TIMP1: variants seen among roughly 807,000 people sequenced by gnomAD.
TIMP1 encodes the protein TIMP metallopeptidase inhibitor 1.
A neutral mutation model predicts 13.7 loss-of-function variants in TIMP1; 5 were observed. That is an observed-to-expected ratio of 0.36 (90% CI 0.19 to 0.76). TIMP1 has a LOEUF of 0.76. TIMP1 is among the 30% of genes least tolerant of loss of function. The pLI is 0.51. For missense variants in TIMP1, 131 were observed against 168.4 expected (o/e 0.78, Z 1.23); for synonymous variants, 63 against 67.1 (o/e 0.94, Z 0.30).
chrX:47,586,430 C>T (rs748369673), intron 5 of TIMP1, 91 bp from the exon 6 acceptor site: 13 of 1,138,343 alleles, frequency 1.1e-5, no homozygotes, highest in East Asian at 3.0e-5. Context: ...GTCTCCCCAG[C>T]GGCTCAGTGT....
intron 2 of TIMP1, 69 bp from the exon 3 acceptor site, chrX:47,584,867 G>A (rs1249048675): frequency 2.2e-6 from 2 of 921,266 alleles, no homozygotes; most frequent in Non-Finnish European, 3.1e-6. Context: ...TGATGATGAT[G>A]ATGATGATGA....
In TIMP1 at chrX:47,585,209, AT is replaced by A; in HGVS notation, c.207del (p.Tyr69Ter). ...CTTCCCCTCATCCATCAACAGATGT[AT>A]AAAGGGTTCCAAGCCTTAGGGGATG... ...QRYEIKMTKM[Y>X]KGFQALGDAA... On this transcript the variant is annotated frameshift_variant, in exon 4 of 6. Coordinates refer to ENST00000218388, the MANE Select transcript of TIMP1 (RefSeq NM_003254.3). LOFTEE classifies it high-confidence loss of function. The A allele has an allele frequency of 8.4e-7, 1 of 1,187,552 alleles. No homozygotes were observed. Among genetic ancestry groups the A allele is most frequent in the Non-Finnish European group, 1.1e-6 (1 of 882,025 alleles).
chrX:47,583,855 C>G (rs976172552), intron 2 of TIMP1, among the ~76,000 whole-genome samples: 2 of 111,844 alleles, frequency 1.8e-5, no homozygotes, highest in Admixed American at 1.9e-4. Flanking sequence ...CTTAGTACTC[C>G]TGATCTCCTG....
chrX:47,585,618 A>T lies in TIMP1; in HGVS notation c.404A>T (p.Gln135Leu). ...CCCTGGAACAGCCTGAGCTTAGCTCAGCGCCGGGGCTTCACCAAGACCTAC... is the reference window on the plus strand; with the variant it reads ...CCCTGGAACAGCCTGAGCTTAGCTCTGCGCCGGGGCTTCACCAAGACCTAC... ...VAPWNSLSLA[Q>L]RRGFTKTYTV... is the part of the protein sequence containing the mutation. The change falls in exon 5 of 6, where the codon CAG becomes CTG. Residue 135 changes from glutamine (Q) to leucine (L), a missense_variant. Coordinates refer to ENST00000218388, the MANE Select transcript of TIMP1 (RefSeq NM_003254.3). 8.5e-7 allele frequency: 1 copy of T among 1,175,635 alleles called. No homozygotes were observed. Among genetic ancestry groups the T allele is most frequent in the Non-Finnish European group, 1.1e-6 (1 of 876,842 alleles).
At chrX:47,583,364 G>T in intron 1 of TIMP1, 44 bp from the exon 2 acceptor site, 1 of 1,163,201 alleles carries the variant, frequency 8.6e-7, no homozygotes, top group East Asian at 3.0e-5. Flanking sequence ...CAGGTCAGCA[G>T]ATCAGCTGGG....
chrX:47,585,099 G>A, intron 3 of TIMP1, 84 bp downstream of exon 3: 5 of 1,169,644 alleles, frequency 4.3e-6, no homozygotes, highest in Non-Finnish European at 5.8e-6. Context: ...ACTGGTTGGT[G>A]CGAGAAAGTT....
intron 1 of TIMP1, 108 bp from the exon 2 acceptor site, chrX:47,583,300 C>T: frequency 1.7e-6 from 1 of 577,121 alleles, no homozygotes. Flanking sequence ...CAAATCCAGC[C>T]CCCTAATCCC....
rs752832099 is a variant in TIMP1, at chrX:47,585,299, C to T, written c.296C>T (p.Ser99Phe). Residue 99 changes from serine to phenylalanine, a missense_variant, in exon 4 of 6, where the codon TCC becomes TTC. By Grantham distance (155) the Ser-to-Phe change is radical. Coordinates refer to ENST00000218388, the MANE Select transcript of TIMP1 (RefSeq NM_003254.3). ...AGTGTCTGCGGATACTTCCACAGGT[C>T]CCACAACCGCAGCGAGGAGTTTCTC... ...MESVCGYFHR[S>F]HNRSEEFLIA... The T allele has an allele frequency of 1.6e-5, 19 of 1,211,784 alleles. No homozygotes were observed. The South Asian group carries it at 2.8e-4, about 18-fold the overall frequency.
intron 5 of TIMP1, chrX:47,586,157 A>ACTATCTTGAAGCCCCACTGG: frequency 1.1e-6 from 1 of 944,899 alleles, no homozygotes; most frequent in South Asian, 2.7e-5. Flanking sequence ...GAGCCCAGTG[A>ACTATCTTGAAGCCCCACTGG]CTATCTTGAA....
At chrX:47,582,626 G>C (rs765869051) in intron 1 of TIMP1, 152 bp downstream of exon 1, 2 of 347,192 alleles carry the variant, frequency 5.8e-6, no homozygotes, top group Non-Finnish European at 1.2e-5. Flanking sequence ...GGGGAAGAGG[G>C]TCGGAGGCTG....
chrX:47,583,772 GT>G (rs1390211609), intron 2 of TIMP1, among the ~76,000 whole-genome samples: 14 of 112,007 alleles, frequency 1.2e-4, no homozygotes, highest in Admixed American at 3.8e-4. Context: ...ATCCACATGG[GT>G]GGCTGCCTCA....
intron 5 of TIMP1, chrX:47,586,169 C>A: frequency 1.0e-6 from 1 of 952,923 alleles, no homozygotes; most frequent in Non-Finnish European, 1.3e-6. Context: ...TATCTTGAAG[C>A]CCCACTGGCT....
intron 2 of TIMP1, among the ~76,000 whole-genome samples, chrX:47,584,643 G>T (rs1168142612): frequency 8.9e-6 from 1 of 112,088 alleles, no homozygotes; most frequent in Non-Finnish European, 1.9e-5. Context: ...GTTCACTGTT[G>T]TGTCCCTAAC....
intron 4 of TIMP1, 41 bp downstream of exon 4, chrX:47,585,372 C>T: frequency 8.3e-7 from 1 of 1,208,098 alleles, no homozygotes; most frequent in Non-Finnish European, 1.1e-6. Context: ...ACCAACCAGT[C>T]CCTGGGGCGC....
intron 2 of TIMP1, among the ~76,000 whole-genome samples, chrX:47,583,759 G>A (rs750221718): frequency 8.9e-6 from 1 of 111,935 alleles, no homozygotes; most frequent in Non-Finnish European, 1.9e-5. Context: ...TTTCCCCCCA[G>A]GTATCCACAT....
At chrX:47,585,790 G>A in intron 5 of TIMP1, 123 bp downstream of exon 5, 4 of 1,158,159 alleles carry the variant, frequency 3.5e-6, no homozygotes, top group Non-Finnish European at 4.6e-6. Context: ...CAACCCTAAG[G>A]GCTGTCCCTG....
chrX:47,584,105 C>T (rs868839648), intron 2 of TIMP1, among the ~76,000 whole-genome samples: 16 of 111,282 alleles, frequency 1.4e-4, no homozygotes, highest in Middle Eastern at 9.2e-3. Context: ...CTGGCTAAAC[C>T]GACGTAACAG....
intron 5 of TIMP1, chrX:47,586,059 C>T (rs987630671): frequency 1.0e-6 from 1 of 966,030 alleles, no homozygotes; most frequent in East Asian, 6.2e-5. Context: ...TGTTGCTCTG[C>T]AGCTCTGACT....
chrX:47,584,664 A>G (rs2057815034), intron 2 of TIMP1, among the ~76,000 whole-genome samples: 1 of 112,334 alleles, frequency 8.9e-6, no homozygotes, highest in South Asian at 3.6e-4. Flanking sequence ...ACCCAGAACA[A>G]TGTCTGGCAC....
Sources: gnomAD v4.1 joint callset for allele counts (sites outside exome capture counted in the v4.1 genomes callset) on GRCh38, gnomAD v4.1.1 for gene constraint, MANE v1.5 for transcripts, NCBI Gene and HGNC (gene_info 2026-07-23, HGNC 2026-07-21) for gene names.